Variants in FSTL5 observed in about 807,000 individuals in gnomAD.
FSTL5 encodes follistatin-related protein 5.
FSTL5 carries 62 observed loss-of-function variants against 89.1 expected under a neutral mutation model. The ratio of observed to expected loss-of-function variants is 0.70; its 90% CI spans 0.57 to 0.86. The LOEUF is 0.86. FSTL5 is among the 40% of genes least tolerant of loss of function. The pLI is 0.00. For missense variants in FSTL5, 1,057 were observed against 1,001.6 expected (o/e 1.06, Z -0.75); for synonymous variants, 383 against 346.2 (o/e 1.11, Z -1.18).
rs111342393 is a variant in FSTL5, at chr4:162,110,298, T to G, written c.126+973A>C. Among the ~76,000 whole-genome samples the G allele has an allele frequency of 6.2e-4, 94 of 152,124 alleles. 1 individual carries two copies. Among genetic ancestry groups the G allele is most frequent in the Non-Finnish European group, 1.2e-3 (82 of 67,876 alleles). Reference sequence around the variant, plus strand: ...TAGTTACTTCTTCATAAGATTGCTTTGAAGATTAAATCAGATAATACATTG... The same window carrying G: ...TAGTTACTTCTTCATAAGATTGCTTGGAAGATTAAATCAGATAATACATTG... On this transcript the variant is annotated intron_variant, in intron 2 of 15. Coordinates refer to ENST00000306100, the MANE Select transcript of FSTL5 (RefSeq NM_020116.5).
At chr4:161,595,053 G>A (rs1733963682) in intron 7 of FSTL5, among the ~76,000 whole-genome samples, 2 of 151,862 alleles carry the variant, frequency 1.3e-5, no homozygotes, top group Non-Finnish European at 2.9e-5. Flanking sequence ...AGCTGTTCTT[G>A]TTTATATAAT....
intron 6 of FSTL5, among the ~76,000 whole-genome samples, chr4:161,659,289 C>A (rs989458774): frequency 6.6e-6 from 1 of 152,040 alleles, no homozygotes; most frequent in Non-Finnish European, 1.5e-5. Flanking sequence ...ATATTTCATG[C>A]TGTATGTTTC....
chr4:161,412,590 G>T (rs1159214501), intron 15 of FSTL5, among the ~76,000 whole-genome samples: 1 of 152,080 alleles, frequency 6.6e-6, no homozygotes, highest in Admixed American at 6.6e-5. Flanking sequence ...CATGGCACAT[G>T]CATATATATG....
chr4:162,071,534 T>C (rs1651628953), intron 2 of FSTL5, among the ~76,000 whole-genome samples: 1 of 151,748 alleles, frequency 6.6e-6, no homozygotes, highest in Non-Finnish European at 1.5e-5. Context: ...TAGACTCCAA[T>C]ACAATAAGAG....
chr4:161,876,916 GGCTCAC>G (rs748903925), intron 4 of FSTL5, among the ~76,000 whole-genome samples: 73 of 152,052 alleles, frequency 4.8e-4, no homozygotes, highest in Non-Finnish European at 7.2e-4. Flanking sequence ...CGGGCGCTGT[GGCTCAC>G]ACCTGTAATC....
intron 4 of FSTL5, among the ~76,000 whole-genome samples, chr4:161,876,074 A>T (rs1732432660): frequency 6.6e-6 from 1 of 152,238 alleles, no homozygotes; most frequent in African/African-American, 2.4e-5. Context: ...AAAATTTGTT[A>T]TACATTTGTT....
In FSTL5 at chr4:161,624,907, GAAGCAGCAGAGAAGCCGGTGCTAC is replaced by G. The variant is rs1211427098; in HGVS notation, c.894+31397_894+31420del. On this transcript the variant is annotated intron_variant, in intron 7 of 15. Transcript: ENST00000306100. Reference sequence around the variant, plus strand: ...CAGATTCTATGCAGAAGTCCTACCGGAAGCAGCAGAGAAGCCGGTGCTACAGTGAACAATATGTAAACCCTTTTT... The same window carrying G: ...CAGATTCTATGCAGAAGTCCTACCGGAGTGAACAATATGTAAACCCTTTTT... 4.6e-5 allele frequency among the ~76,000 whole-genome samples: 7 copies of G among 152,124 alleles called. No homozygotes were observed. The South Asian group carries it at 8.3e-4, about 18-fold the overall frequency.
intron 9 of FSTL5, among the ~76,000 whole-genome samples, chr4:161,540,799 T>C (rs1230124424): frequency 6.6e-6 from 1 of 152,086 alleles, no homozygotes; most frequent in Non-Finnish European, 1.5e-5. Context: ...GATACTGTTT[T>C]TCTAAATGTC....
At chr4:162,064,849 T>C (rs368663149) in intron 2 of FSTL5, among the ~76,000 whole-genome samples, 7 of 152,014 alleles carry the variant, frequency 4.6e-5, no homozygotes, top group African/African-American at 1.4e-4. Flanking sequence ...ACCACCATTC[T>C]ACTCTGTTAT....
At chr4:161,521,852 A>C (rs1180044685) in intron 10 of FSTL5, among the ~76,000 whole-genome samples, 2 of 130,720 alleles carry the variant, frequency 1.5e-5, no homozygotes, top group African/African-American at 5.3e-5. Flanking sequence ...CCACCTCAAA[A>C]AAAAAAAAAA....
At chr4:161,987,663 A>G (rs1365725274) in intron 3 of FSTL5, among the ~76,000 whole-genome samples, 1 of 149,116 alleles carries the variant, frequency 6.7e-6, no homozygotes, top group Non-Finnish European at 1.5e-5. Flanking sequence ...AAATATATAT[A>G]TAATGAAATC....
intron 12 of FSTL5, chr4:161,495,572 T>G (rs1375014161): frequency 6.6e-6 from 1 of 152,130 alleles, no homozygotes; most frequent in Non-Finnish European, 1.5e-5. Context: ...GTTGTATATA[T>G]CCTCACCAAC....
intron 2 of FSTL5, among the ~76,000 whole-genome samples, chr4:162,083,319 A>C (rs894965208): frequency 6.6e-6 from 1 of 151,776 alleles, no homozygotes; most frequent in African/African-American, 2.4e-5. Context: ...ATTCATAAAA[A>C]CTAATGAATG....
intron 12 of FSTL5, among the ~76,000 whole-genome samples, chr4:161,488,492 T>C (rs183022714): frequency 2.0e-5 from 3 of 152,186 alleles, no homozygotes; most frequent in African/African-American, 7.2e-5. Context: ...GTTTTCTCTT[T>C]ATAAATAGTG....
chr4:162,101,613 C>A (rs1445438411), intron 2 of FSTL5, among the ~76,000 whole-genome samples: 1 of 152,058 alleles, frequency 6.6e-6, no homozygotes, highest in Non-Finnish European at 1.5e-5. Context: ...AAGAATATTT[C>A]TACTATTTTA....
At chr4:161,741,698 T>TTTA (rs1553962520) in intron 6 of FSTL5, among the ~76,000 whole-genome samples, 2 of 144,988 alleles carry the variant, frequency 1.4e-5, no homozygotes, top group Non-Finnish European at 3.0e-5. Flanking sequence ...TTTTTTTTTT[T>TTTA]TTTTTTGGAG....
At chr4:161,523,732 C>G (rs1731111234) in intron 10 of FSTL5, among the ~76,000 whole-genome samples, 1 of 152,072 alleles carries the variant, frequency 6.6e-6, no homozygotes, top group East Asian at 1.9e-4. Context: ...AACTACAAGA[C>G]AATTTGTCTT....
intron 4 of FSTL5, among the ~76,000 whole-genome samples, chr4:161,897,100 A>AT (rs1475317688): frequency 2.6e-5 from 4 of 151,868 alleles, no homozygotes; most frequent in Non-Finnish European, 4.4e-5. Context: ...CACACAAAAT[A>AT]AAAAATATAT....
intron 6 of FSTL5, among the ~76,000 whole-genome samples, chr4:161,729,986 T>G (rs1739552115): frequency 6.6e-6 from 1 of 152,206 alleles, no homozygotes; most frequent in African/African-American, 2.4e-5. Context: ...AACACACTAG[T>G]GTATATGTAT....
Sources: allele counts gnomAD v4.1 joint callset (sites outside exome capture counted in the v4.1 genomes callset), GRCh38; gene constraint gnomAD v4.1.1; transcripts MANE v1.5; gene names NCBI Gene and HGNC (gene_info 2026-07-23, HGNC 2026-07-21).